Variants in CUX1 observed in about 807,000 individuals in gnomAD.
CUX1 encodes the protein protein CASP.
CUX1 carries 31 observed loss-of-function variants against 158.8 expected under a neutral mutation model. The observed-to-expected ratio is 0.20, with a 90% CI of 0.15 to 0.26. CUX1 has a LOEUF of 0.26. CUX1 is among the 10% of genes least tolerant of loss of function. The probability of loss-of-function intolerance (pLI) is 1.00; values close to 1 mark genes in which losing one functional copy is unlikely to be tolerated. For missense variants in CUX1, 1,589 were observed against 2,014.6 expected (o/e 0.79, Z 4.04); for synonymous variants, 879 against 862.1 (o/e 1.02, Z -0.34).
intron 8 of CUX1, among the ~76,000 whole-genome samples, chr7:102,124,003 A>G (rs1445596805): frequency 2.6e-5 from 4 of 152,172 alleles, no homozygotes; most frequent in Non-Finnish European, 5.9e-5. Context: ...TTGAGAGGGT[A>G]GAGAAAATCA....
At chr7:102,173,873 T>G (rs1179841582) in intron 10 of CUX1, among the ~76,000 whole-genome samples, 2 of 152,040 alleles carry the variant, frequency 1.3e-5, no homozygotes, top group Non-Finnish European at 2.9e-5. Context: ...TATTCCCACA[T>G]AGCCAGTGGG....
intron 2 of CUX1, among the ~76,000 whole-genome samples, chr7:101,949,126 C>CATTATT (rs748113946): frequency 9.2e-5 from 14 of 151,630 alleles, no homozygotes; most frequent in African/African-American, 2.9e-4. Flanking sequence ...AAACATTGGT[C>CATTATT]ATTATTATTA....
intron 1 of CUX1, among the ~76,000 whole-genome samples, chr7:101,833,311 G>A (rs1214399321): frequency 6.6e-6 from 1 of 151,724 alleles, no homozygotes; most frequent in Non-Finnish European, 1.5e-5. Flanking sequence ...TACTTTAGGA[G>A]GTCAAGGCGG....
At chr7:102,132,326 C>T (rs374020601) in intron 8 of CUX1, among the ~76,000 whole-genome samples, 22 of 266 alleles carry the variant, frequency 0.083, no homozygotes, top group African/African-American at 0.17. Flanking sequence ...CGCGCGCGCA[C>T]GCCACGCACA....
intron 1 of CUX1, among the ~76,000 whole-genome samples, chr7:101,908,879 A>G (rs143417790): frequency 6.6e-6 from 1 of 152,312 alleles, no homozygotes; most frequent in Non-Finnish European, 1.5e-5. Flanking sequence ...AGAGAAAGGA[A>G]GTCATTTGAC....
intron 1 of CUX1, among the ~76,000 whole-genome samples, chr7:101,871,320 CCTT>C (rs1219711862): frequency 7.6e-6 from 1 of 131,594 alleles, no homozygotes; most frequent in Non-Finnish European, 1.6e-5. Flanking sequence ...TAAAAAAAAG[CCTT>C]TTTTTTTTTT....
chr7:102,123,339 G>A (rs1157451173), intron 8 of CUX1, among the ~76,000 whole-genome samples: 2 of 152,126 alleles, frequency 1.3e-5, no homozygotes, highest in Admixed American at 1.3e-4. Flanking sequence ...GCCGGGCGCA[G>A]TGGCTCATGC....
Position 102,255,207 on chromosome 7 carries a change from A to G in CUX1, c.*6165A>G. The stretch of plus-strand genomic sequence containing the variant: ...TTCCAAAAACTGCCTCCTCCTGCCC[A>G]GGCCTCTCCCACCACCACCTTCCCT... On this transcript the variant is annotated 3_prime_UTR_variant, in exon 24 of 24. Transcript: ENST00000292535. 1 of 985,500 alleles carries G rather than the reference A, an allele frequency of 1.0e-6. No individual in the cohort carries two copies. Among genetic ancestry groups the G allele is most frequent in the Non-Finnish European group, 1.2e-6 (1 of 829,958 alleles). The allele number at this position is 985,500 out of a possible 1,614,324, so 61.0% of individuals were successfully genotyped here. A position where few individuals can be genotyped will look rare whatever the true frequency, so the allele number is the denominator to read the frequency against.
chr7:101,848,897 A>G (rs1219245043), intron 1 of CUX1, among the ~76,000 whole-genome samples: 1 of 116,324 alleles, frequency 8.6e-6, no homozygotes, highest in East Asian at 3.0e-4. Context: ...AGACTAACTG[A>G]ACACTTGCAA....
intron 4 of CUX1, among the ~76,000 whole-genome samples, chr7:102,071,696 C>T (rs980617364): frequency 5.9e-5 from 9 of 152,184 alleles, no homozygotes; most frequent in Non-Finnish European, 1.2e-4. Context: ...AGGTCTACCA[C>T]GGGCTTTGCT....
At chr7:101,845,423 C>T (rs1421965814) in intron 1 of CUX1, among the ~76,000 whole-genome samples, 1 of 152,138 alleles carries the variant, frequency 6.6e-6, no homozygotes, top group Non-Finnish European at 1.5e-5. Context: ...ATTGTTGAGA[C>T]AGGCGATGGG....
intron 1 of CUX1, among the ~76,000 whole-genome samples, chr7:101,820,597 AAGAC>A (rs576555189): frequency 7.5e-4 from 114 of 152,360 alleles, no homozygotes; most frequent in Middle Eastern, 6.8e-3. Context: ...ATAATTGTCA[AAGAC>A]AGAAATTTGT....
At chr7:101,842,027 T>C (rs910519974) in intron 1 of CUX1, among the ~76,000 whole-genome samples, 6 of 152,350 alleles carry the variant, frequency 3.9e-5, no homozygotes, top group African/African-American at 1.4e-4. Flanking sequence ...GTAATTTCCC[T>C]TATAATTTTC....
intron 3 of CUX1, among the ~76,000 whole-genome samples, chr7:102,060,830 T>A (rs996274441): frequency 1.3e-5 from 2 of 151,404 alleles, no homozygotes; most frequent in Non-Finnish European, 2.9e-5. Context: ...GCCAGGCTGG[T>A]CTTGAATTCC....
chr7:102,001,341 T>C (rs1206785849), intron 2 of CUX1, among the ~76,000 whole-genome samples: 1 of 151,436 alleles, frequency 6.6e-6, no homozygotes. Context: ...AAGCTCCTGT[T>C]TGTTTGTTTG....
intron 2 of CUX1, among the ~76,000 whole-genome samples, chr7:101,964,268 G>C (rs1810865209): frequency 6.6e-6 from 1 of 152,024 alleles, no homozygotes; most frequent in Non-Finnish European, 1.5e-5. Context: ...CAGGAGAATT[G>C]CTTGAACCTG....
At chr7:102,231,603 GC>G (rs1217210856) in intron 21 of CUX1, among the ~76,000 whole-genome samples, 3 of 152,010 alleles carry the variant, frequency 2.0e-5, no homozygotes, top group Non-Finnish European at 4.4e-5. Flanking sequence ...CAGCTGGGAG[GC>G]CTAAGCAAAG....
chr7:102,122,971 C>A (rs1386468415), intron 8 of CUX1, among the ~76,000 whole-genome samples: 1 of 152,146 alleles, frequency 6.6e-6, no homozygotes, highest in Non-Finnish European at 1.5e-5. Flanking sequence ...TGGCTCATAC[C>A]TGTAATCCCA....
intron 1 of CUX1, among the ~76,000 whole-genome samples, chr7:101,819,753 C>G (rs542855379): frequency 7.9e-5 from 12 of 152,076 alleles, no homozygotes; most frequent in African/African-American, 2.7e-4. Flanking sequence ...AAGTTTTTTC[C>G]TATGTGAAAC....
Sources: allele counts gnomAD v4.1 joint callset (sites outside exome capture counted in the v4.1 genomes callset), GRCh38; gene constraint gnomAD v4.1.1; transcripts MANE v1.5; gene names NCBI Gene and HGNC (gene_info 2026-07-23, HGNC 2026-07-21).